The following GMNN variants were observed in gnomAD, a reference collection of about 807,000 sequenced individuals.
The protein encoded by GMNN is geminin DNA replication inhibitor.
Under a neutral mutation model 20.9 loss-of-function variants are expected in GMNN, and 14 were observed. That is an observed-to-expected ratio of 0.67 (90% CI 0.44 to 1.05). GMNN has a LOEUF of 1.05. GMNN is among the 50% of genes least tolerant of loss of function. The probability of loss-of-function intolerance (pLI) is 0.00; values close to 1 mark genes in which losing one functional copy is unlikely to be tolerated. For synonymous variants in GMNN, 81 were observed against 85.8 expected, an observed-to-expected ratio of 0.94 and a Z score of 0.31; for missense variants, 227 against 243.8, an observed-to-expected ratio of 0.93 and a Z score of 0.46.
At chr6:24,777,467 T>C in intron 2 of GMNN, 170 bp downstream of exon 2, 1 of 388,266 alleles carries the variant, frequency 2.6e-6, no homozygotes, top group Non-Finnish European at 4.6e-6. Flanking sequence ...GGTTGAATAT[T>C]AAGTCTGACC....
chr6:24,780,523 C>T, intron 2 of GMNN, 140 bp from the exon 3 acceptor site: 3 of 558,712 alleles, frequency 5.4e-6, no homozygotes, highest in Non-Finnish European at 6.5e-6. Flanking sequence ...TATAGCAGAC[C>T]AAATGTTTGT....
chr6:24,776,480 C>T (rs1316144359), intron 1 of GMNN, among the ~76,000 whole-genome samples: 5 of 152,220 alleles, frequency 3.3e-5, no homozygotes, highest in African/African-American at 1.2e-4. Flanking sequence ...TGTGTGCACG[C>T]GCCAGGACAC....
intron 2 of GMNN, among the ~76,000 whole-genome samples, chr6:24,779,812 A>C (rs561579471): frequency 6.6e-6 from 1 of 152,376 alleles, no homozygotes; most frequent in South Asian, 2.1e-4. Flanking sequence ...TATTACAAGG[A>C]AGGCAATATT....
intron 2 of GMNN, among the ~76,000 whole-genome samples, chr6:24,779,256 C>T (rs942753873): frequency 7.9e-5 from 12 of 152,072 alleles, no homozygotes; most frequent in African/African-American, 2.7e-4. Context: ...GTCTATTATT[C>T]CAATGCATAC....
Position 24,777,260 on chromosome 6 carries a change from T to C in GMNN, c.14T>C (p.Met5Thr). ...ACCATCTACATAATGAATCCCAGTA[T>C]GAAGCAGAAACAAGAAGAAATCAAA... is the stretch of plus-strand genomic sequence containing the variant. MNPSMKQKQEEIKEN... is the reference protein window; with the variant it reads MNPSTKQKQEEIKEN... Residue 5 changes from methionine to threonine, a missense_variant, in exon 2 of 7, where the codon ATG becomes ACG. Physicochemically the swap from Met to Thr is moderately conservative, Grantham distance 81. Transcript: ENST00000230056. The C allele has an allele frequency of 1.4e-6, 2 of 1,416,878 alleles. No homozygotes were observed. Among genetic ancestry groups the C allele is most frequent in the South Asian group, 1.3e-5 (1 of 77,670 alleles). 87.8% of individuals were successfully genotyped at this position (1,416,878 alleles called of 1,614,324 possible).
At chr6:24,779,540 A>ATTT (rs1440927490) in intron 2 of GMNN, among the ~76,000 whole-genome samples, 1 of 152,206 alleles carries the variant, frequency 6.6e-6, no homozygotes, top group East Asian at 1.9e-4. Flanking sequence ...TTGTCCTCAC[A>ATTT]GTAGCTGGCA....
chr6:24,778,057 T>C (rs930782008), intron 2 of GMNN, among the ~76,000 whole-genome samples: 1 of 152,212 alleles, frequency 6.6e-6, no homozygotes, highest in Non-Finnish European at 1.5e-5. Flanking sequence ...ACAGAGTTTG[T>C]TTAGTTTTGA....
intron 2 of GMNN, 40 bp from the exon 3 acceptor site, chr6:24,780,623 C>A: frequency 9.1e-7 from 1 of 1,096,274 alleles, no homozygotes; most frequent in Non-Finnish European, 1.4e-6. Flanking sequence ...AACCATATTG[C>A]AACTCAGTAA....
rs900870559 is a variant in GMNN at position 24,785,519 on chromosome 6, G to A, written c.469-119G>A. 76 of 510,458 alleles carry A rather than the reference G, an allele frequency of 1.5e-4. 3 individuals are homozygous for A. Among genetic ancestry groups the A allele is most frequent in the South Asian group, 1.6e-4 (5 of 30,694 alleles). The allele number at this position is 510,458 out of a possible 1,614,324, so 31.6% of individuals were successfully genotyped here. On this transcript the variant is annotated intron_variant, in intron 6 of 6. Transcript: ENST00000230056. The stretch of plus-strand genomic sequence containing the variant: ...TGTTTATAAATGAATTTATTGAGGG[G>A]CAAGATGAAAAAAATCTCATAGCTA...
chr6:24,781,193 G>A (rs901348692), intron 3 of GMNN, among the ~76,000 whole-genome samples: 3 of 151,766 alleles, frequency 2.0e-5, no homozygotes, highest in African/African-American at 4.9e-5. Flanking sequence ...GACAGAGCGA[G>A]ACTCTAAAAT....
intron 4 of GMNN, among the ~76,000 whole-genome samples, chr6:24,783,139 A>G (rs779995175): frequency 3.0e-4 from 46 of 152,204 alleles, no homozygotes; most frequent in Non-Finnish European, 4.9e-4. Context: ...GAAAATAAGG[A>G]AGTACTCAAA....
intron 2 of GMNN, chr6:24,777,615 T>TAAC (rs1266048060): frequency 1.2e-5 from 2 of 170,766 alleles, no homozygotes; most frequent in Non-Finnish European, 2.5e-5. Flanking sequence ...ATTGTTTCCT[T>TAAC]AATTTCATTC....
At chr6:24,775,998 T>TG in intron 1 of GMNN, among the ~76,000 whole-genome samples, 1 of 152,328 alleles carries the variant, frequency 6.6e-6, no homozygotes, top group African/African-American at 2.4e-5. Flanking sequence ...TGAAGAACAT[T>TG]GCGTAGGGTC....
intron 2 of GMNN, among the ~76,000 whole-genome samples, chr6:24,779,443 G>T (rs1780149672): frequency 6.6e-6 from 1 of 152,070 alleles, no homozygotes; most frequent in Admixed American, 6.5e-5. Context: ...TTGTTAGTAA[G>T]GTTCCAACGT....
intron 1 of GMNN, chr6:24,775,954 C>G (rs1359463394): frequency 6.6e-6 from 1 of 152,094 alleles, no homozygotes; most frequent in East Asian, 1.9e-4. Flanking sequence ...TCATGACTCA[C>G]TAATTTCGAG....
chr6:24,775,163 A>G lies in GMNN; in HGVS notation c.-107A>G, dbSNP rs199829688. On this transcript the variant is annotated 5_prime_UTR_variant, in exon 1 of 7. Transcript: ENST00000230056. ...GTGGGTACGCAGGGGCGCAAGGCGC[A>G]CAGCCTCTAGACGACTCGCTTTCCC... is the stretch of plus-strand genomic sequence containing the variant. The G allele has an allele frequency of 1.3e-5, 2 of 152,548 alleles. No individual in the cohort carries two copies. The highest frequency in any genetic ancestry group is 1.3e-4 in the Admixed American group (2 of 15,292). 9.4% of individuals were successfully genotyped at this position (152,548 alleles called of 1,614,324 possible).
chr6:24,781,917 C>G (rs560071147), intron 4 of GMNN, among the ~76,000 whole-genome samples: 2 of 152,122 alleles, frequency 1.3e-5, no homozygotes, highest in East Asian at 3.9e-4. Context: ...GTGAGGCTCT[C>G]TCTGTATGAA....
At chr6:24,779,415 G>A (rs557217284) in intron 2 of GMNN, among the ~76,000 whole-genome samples, 2 of 152,154 alleles carry the variant, frequency 1.3e-5, no homozygotes, top group South Asian at 2.1e-4. Context: ...TTAACAGAAA[G>A]CATTTAAATA....
chr6:24,777,267 G>A lies in GMNN; in HGVS notation c.21G>A (p.Gln7=). The A allele has an allele frequency of 7.1e-7, 1 of 1,406,140 alleles. No individual in the cohort carries two copies. Among genetic ancestry groups the A allele is most frequent in the Admixed American group, 2.1e-5 (1 of 48,238 alleles). The allele number at this position is 1,406,140 out of a possible 1,614,324, so 87.1% of individuals were successfully genotyped here. Residue 7 remains glutamine, a synonymous_variant, in exon 2 of 7, where the codon CAG becomes CAA. Coordinates refer to ENST00000230056, the MANE Select transcript of GMNN (RefSeq NM_015895.5). The part of the protein sequence containing the change: MNPSMK[Q]KQEEIKENIK... The stretch of plus-strand genomic sequence containing the variant: ...ACATAATGAATCCCAGTATGAAGCA[G>A]AAACAAGAAGAAATCAAAGAGAATA...
Sources: allele counts gnomAD v4.1 joint callset (sites outside exome capture counted in the v4.1 genomes callset), GRCh38; gene constraint gnomAD v4.1.1; transcripts MANE v1.5; gene names NCBI Gene and HGNC (gene_info 2026-07-23, HGNC 2026-07-21).